Variants in RANBP2 observed in about 807,000 individuals in gnomAD.
RANBP2 encodes the protein RAN binding protein 2.
A neutral mutation model predicts 303.6 loss-of-function variants in RANBP2; 57 were observed. The ratio of observed to expected loss-of-function variants is 0.19; its 90% CI spans 0.15 to 0.23. The LOEUF is 0.23. RANBP2 is among the 10% of genes least tolerant of loss of function. The probability of loss-of-function intolerance (pLI) is 1.00; values close to 1 mark genes in which losing one functional copy is unlikely to be tolerated. For synonymous variants in RANBP2, 1,167 were observed against 1,301.5 expected (o/e 0.90, Z 2.23); for missense variants, 3,138 against 3,780.8 (o/e 0.83, Z 4.46).
chr2:109,674,410 CAAAAAAA>C, the RANBP2 span, among the ~76,000 whole-genome samples: 66 of 75,270 alleles, frequency 8.8e-4, no homozygotes, highest in African/African-American at 3.4e-3. Flanking sequence ...CTTGTGTCTC[CAAAAAAA>C]AAAAAAAAAA....
At chr2:109,079,973 T>A in the RANBP2 span, among the ~76,000 whole-genome samples, 8 of 152,170 alleles carry the variant, frequency 5.3e-5, no homozygotes, top group Non-Finnish European at 7.4e-5. Flanking sequence ...TGAGGACGCA[T>A]TTCTGGGACG....
chr2:108,827,814 T>TA, the RANBP2 span, among the ~76,000 whole-genome samples: 2,700 of 134,066 alleles, frequency 0.02, 82 homozygotes, highest in African/African-American at 0.066. Flanking sequence ...AGAATATGTC[T>TA]AAAAAAAAAA....
the RANBP2 span, among the ~76,000 whole-genome samples, chr2:109,597,230 C>G: frequency 6.6e-6 from 1 of 152,280 alleles, no homozygotes; most frequent in South Asian, 2.1e-4. Flanking sequence ...CATGAGCCAC[C>G]GTGCCTGGCT....
chr2:109,662,764 C>G, the RANBP2 span, among the ~76,000 whole-genome samples: 1,572 of 152,248 alleles, frequency 0.01, 31 homozygotes, highest in African/African-American at 0.036. Flanking sequence ...GCAAATAAAC[C>G]TAACTCCTCA....
At chr2:109,469,468 C>T in the RANBP2 span, among the ~76,000 whole-genome samples, 3 of 152,210 alleles carry the variant, frequency 2.0e-5, no homozygotes, top group African/African-American at 7.2e-5. Flanking sequence ...GCCTGTTGTG[C>T]AGGGGTCACA....
chr2:109,513,499 C>CCACATGTACACA, the RANBP2 span, among the ~76,000 whole-genome samples: 60 of 134,300 alleles, frequency 4.5e-4, no homozygotes, highest in East Asian at 2.5e-3. Flanking sequence ...TGTACACACA[C>CCACATGTACACA]CACATGTACA....
At chr2:109,129,884 T>A in the RANBP2 span, 1 of 1,520,590 alleles carries the variant, frequency 6.6e-7, no homozygotes, top group Non-Finnish European at 8.8e-7. Flanking sequence ...ATCTTGCTGG[T>A]GCGACTGCTG....
chr2:108,836,344 C>T, the RANBP2 span, among the ~76,000 whole-genome samples: 1 of 152,160 alleles, frequency 6.6e-6, no homozygotes, highest in African/African-American at 2.4e-5. Flanking sequence ...GATTTCCTTC[C>T]TTTCTAAGGT....
the RANBP2 span, among the ~76,000 whole-genome samples, chr2:108,880,362 C>G: frequency 6.6e-6 from 1 of 152,156 alleles, no homozygotes; most frequent in African/African-American, 2.4e-5. Flanking sequence ...TCTATAGATA[C>G]AATGGAAATC....
chr2:109,522,208 C>A, the RANBP2 span, among the ~76,000 whole-genome samples: 8,570 of 151,996 alleles, frequency 0.056, 831 homozygotes, highest in African/African-American at 0.19. Context: ...CTGTGTCAAT[C>A]CTAGCTGCAC....
the RANBP2 span, chr2:109,449,398 A>G: frequency 8.7e-6 from 14 of 1,612,742 alleles, no homozygotes; most frequent in African/African-American, 1.3e-5. Flanking sequence ...GCAAACCTCA[A>G]CGGGGAGGCT....
At chr2:109,665,095 G>GCATA in the RANBP2 span, 4 of 152,120 alleles carry the variant, frequency 2.6e-5, no homozygotes, top group South Asian at 4.1e-4. Context: ...TGGAAGTACA[G>GCATA]CATACATACA....
At chr2:109,550,167 A>G in the RANBP2 span, among the ~76,000 whole-genome samples, 3 of 151,732 alleles carry the variant, frequency 2.0e-5, no homozygotes, top group Non-Finnish European at 4.4e-5. Flanking sequence ...GCACATGCCT[A>G]TAATCCCAGC....
the RANBP2 span, among the ~76,000 whole-genome samples, chr2:109,098,906 A>C: frequency 6.6e-6 from 1 of 152,258 alleles, no homozygotes; most frequent in South Asian, 2.1e-4. Flanking sequence ...AAAAGTTGTG[A>C]AGTTGTAGAT....
the RANBP2 span, among the ~76,000 whole-genome samples, chr2:109,186,553 T>C: frequency 5.9e-5 from 9 of 152,236 alleles, no homozygotes; most frequent in Non-Finnish European, 7.3e-5. Context: ...GTTTTTGACA[T>C]TTCCAGCAAC....
the RANBP2 span, among the ~76,000 whole-genome samples, chr2:109,033,503 C>T: frequency 1.3e-5 from 2 of 152,184 alleles, no homozygotes; most frequent in Admixed American, 1.3e-4. Flanking sequence ...GTCTCAAATC[C>T]ATCTCCCCAT....
At chr2:109,430,228 A>G in the RANBP2 span, among the ~76,000 whole-genome samples, 7 of 152,232 alleles carry the variant, frequency 4.6e-5, no homozygotes, top group South Asian at 1.2e-3. Flanking sequence ...CGCATTCTGC[A>G]TGTGGCCACT....
chr2:109,647,605 A>T, the RANBP2 span, among the ~76,000 whole-genome samples: 22 of 151,938 alleles, frequency 1.4e-4, no homozygotes, highest in Middle Eastern at 3.4e-3. Flanking sequence ...AGTAGCCGGG[A>T]TTACAGTTGC....
At chr2:108,864,054 A>G in the RANBP2 span, among the ~76,000 whole-genome samples, 2 of 152,146 alleles carry the variant, frequency 1.3e-5, no homozygotes, top group East Asian at 1.9e-4. Context: ...ACACTAGACA[A>G]TAATAGATGA....
Sources: allele counts gnomAD v4.1 joint callset (sites outside exome capture counted in the v4.1 genomes callset), GRCh38; gene constraint gnomAD v4.1.1; transcripts MANE v1.5; gene names NCBI Gene and HGNC (gene_info 2026-07-23, HGNC 2026-07-21).